Variants in TRIM2 observed in about 807,000 individuals in gnomAD.
TRIM2 encodes tripartite motif-containing protein 2.
Under a neutral mutation model 75.2 loss-of-function variants are expected in TRIM2, and 20 were observed. The ratio of observed to expected loss-of-function variants is 0.27; its 90% CI spans 0.19 to 0.39. The LOEUF (loss-of-function observed/expected upper bound fraction) is 0.39. TRIM2 is among the 10% of genes least tolerant of loss of function. The pLI, the probability that TRIM2 is intolerant of heterozygous loss-of-function variation, is 1.00. For synonymous variants in TRIM2, 373 were observed against 388.3 expected, an observed-to-expected ratio of 0.96 and a Z score of 0.46; for missense variants, 660 against 990.8, an observed-to-expected ratio of 0.67 and a Z score of 4.48.
At chr4:153,244,189 C>A (rs973299836) in intron 1 of TRIM2, among the ~76,000 whole-genome samples, 1 of 147,114 alleles carries the variant, frequency 6.8e-6, no homozygotes, top group Non-Finnish European at 1.5e-5. Flanking sequence ...TCTCCTCCTT[C>A]TTCTTCTCCT....
At chr4:153,175,001 GT>G (rs1281652545) in intron 1 of TRIM2, among the ~76,000 whole-genome samples, 2 of 109,864 alleles carry the variant, frequency 1.8e-5, no homozygotes, top group Admixed American at 9.9e-5. Context: ...TTGTTGTTTT[GT>G]TTTTGTTTTG....
chr4:153,262,164 C>T (rs79291415), intron 1 of TRIM2, among the ~76,000 whole-genome samples: 2,815 of 152,218 alleles, frequency 0.018, 90 homozygotes, highest in African/African-American at 0.063. Flanking sequence ...CAGATACAGC[C>T]GATTTACCAA....
chr4:153,317,221 C>T (rs1382449409), intron 8 of TRIM2, among the ~76,000 whole-genome samples: 1 of 151,794 alleles, frequency 6.6e-6, no homozygotes, highest in Non-Finnish European at 1.5e-5. Context: ...CTACTAGAGG[C>T]TTCTATTTCT....
intron 10 of TRIM2, 94 bp from the exon 11 acceptor site, chr4:153,328,436 T>C: frequency 8.5e-7 from 1 of 1,176,222 alleles, no homozygotes; most frequent in South Asian, 1.7e-5. Context: ...AGTCTTGTTA[T>C]AAATAACCTG....
At chr4:153,325,509 G>C (rs1041002468) in intron 10 of TRIM2, among the ~76,000 whole-genome samples, 7 of 152,216 alleles carry the variant, frequency 4.6e-5, no homozygotes, top group Non-Finnish European at 1.0e-4. Flanking sequence ...AGAGCAAAGA[G>C]GCAGCAGTAA....
At chr4:153,301,838 G>A (rs901598313) in intron 6 of TRIM2, among the ~76,000 whole-genome samples, 2 of 152,114 alleles carry the variant, frequency 1.3e-5, no homozygotes, top group Admixed American at 1.3e-4. Flanking sequence ...CTGTACCAGT[G>A]GTCTATGTTT....
In TRIM2 at chr4:153,287,402, A is replaced by C. The variant is rs75115870; in HGVS notation, c.454-5580A>C. 2.9e-3 allele frequency among the ~76,000 whole-genome samples: 441 copies of C among 152,290 alleles called. 1 individual carries two copies. The highest frequency in any genetic ancestry group is 1.0e-2 in the African/African-American group (414 of 41,564). ...TATCAGCCCTTTGATTGGAGAGTTTAATCCATTTAAATTAATTAACTTAAT... is the reference window on the plus strand; with the variant it reads ...TATCAGCCCTTTGATTGGAGAGTTTCATCCATTTAAATTAATTAACTTAAT... On this transcript the variant is annotated intron_variant, in intron 3 of 11. Coordinates refer to ENST00000338700, the MANE Select transcript of TRIM2 (RefSeq NM_015271.5).
chr4:153,280,217 A>G (rs907575745), intron 3 of TRIM2, among the ~76,000 whole-genome samples: 2 of 152,088 alleles, frequency 1.3e-5, no homozygotes, highest in African/African-American at 4.8e-5. Flanking sequence ...CATAGTATAT[A>G]TATTTCTGCA....
intron 6 of TRIM2, chr4:153,308,255 C>G: frequency 6.4e-7 from 1 of 1,554,880 alleles, no homozygotes; most frequent in Non-Finnish European, 8.9e-7. Flanking sequence ...GGGCAACCAT[C>G]AGCTTGCAGA....
chr4:153,200,804 T>C (rs1579486705), upstream of TRIM2, among the ~76,000 whole-genome samples: 2 of 149,200 alleles, frequency 1.3e-5, no homozygotes, highest in East Asian at 1.9e-4. Flanking sequence ...TTTCTTTTTT[T>C]TTTTCCTTAT....
chr4:153,333,123 A>G (rs1236535986), intron 11 of TRIM2, among the ~76,000 whole-genome samples: 3 of 152,230 alleles, frequency 2.0e-5, no homozygotes, highest in African/African-American at 7.2e-5. Flanking sequence ...ATACTATGGA[A>G]TATGACTTGG....
intron 3 of TRIM2, among the ~76,000 whole-genome samples, chr4:153,282,647 C>T (rs1394657936): frequency 6.6e-6 from 1 of 152,192 alleles, no homozygotes; most frequent in Non-Finnish European, 1.5e-5. Context: ...GGATCTCACT[C>T]TGTCACCCAG....
intron 6 of TRIM2, among the ~76,000 whole-genome samples, chr4:153,314,160 T>G (rs967469341): frequency 6.6e-6 from 1 of 152,098 alleles, no homozygotes; most frequent in African/African-American, 2.4e-5. Context: ...CTCTGCCTCA[T>G]CTATTCTTTT....
At chr4:153,177,188 A>G (rs1731529355) in intron 1 of TRIM2, among the ~76,000 whole-genome samples, 1 of 152,232 alleles carries the variant, frequency 6.6e-6, no homozygotes, top group Non-Finnish European at 1.5e-5. Flanking sequence ...AAAATGGGGA[A>G]GGGAACAAAA....
chr4:153,194,434 T>A (rs1219384757), intron 1 of TRIM2, among the ~76,000 whole-genome samples: 1 of 152,126 alleles, frequency 6.6e-6, no homozygotes, highest in Admixed American at 6.5e-5. Context: ...TGCAACAACA[T>A]GGATCAACCT....
intron 6 of TRIM2, chr4:153,308,678 C>T (rs1765559417): frequency 1.7e-6 from 1 of 571,876 alleles, no homozygotes; most frequent in African/African-American, 1.9e-5. Flanking sequence ...TTGGTGTAGG[C>T]TTTGACTGAC....
intron 7 of TRIM2, 31 bp from the exon 8 acceptor site, chr4:153,315,801 C>A: frequency 1.2e-6 from 2 of 1,611,196 alleles, no homozygotes; most frequent in South Asian, 1.1e-5. Context: ...TGTACTAGTT[C>A]ACATTCCAAT....
intron 1 of TRIM2, among the ~76,000 whole-genome samples, chr4:153,197,253 G>A (rs953470619): frequency 6.6e-6 from 1 of 152,186 alleles, no homozygotes; most frequent in African/African-American, 2.4e-5. Context: ...AATGGGTTGT[G>A]AGTTAACCTA....
intron 1 of TRIM2, among the ~76,000 whole-genome samples, chr4:153,246,108 T>C (rs1411817776): frequency 6.6e-6 from 1 of 152,230 alleles, no homozygotes; most frequent in Non-Finnish European, 1.5e-5. Context: ...TTTGCTGACC[T>C]CTTTGCTTGT....
Sources: allele counts gnomAD v4.1 joint callset (sites outside exome capture counted in the v4.1 genomes callset), GRCh38; gene constraint gnomAD v4.1.1; transcripts MANE v1.5; gene names NCBI Gene and HGNC (gene_info 2026-07-23, HGNC 2026-07-21).